Variants in PRKN observed in about 807,000 individuals in gnomAD.
PRKN encodes E3 ubiquitin-protein ligase parkin.
PRKN carries 56 observed loss-of-function variants against 59.5 expected under a neutral mutation model. The ratio of observed to expected loss-of-function variants is 0.94; its 90% confidence interval spans 0.76 to 1.18. The LOEUF (loss-of-function observed/expected upper bound fraction) is 1.18, where lower values mean the gene tolerates loss of function less well. Ranked by LOEUF, PRKN falls within the 50% of genes most tolerant of loss-of-function variation. The pLI is 0.00. For missense variants in PRKN, 657 were observed against 596.4 expected (o/e 1.10, Z -1.06); for synonymous variants, 250 against 222.1 (o/e 1.13, Z -1.12).
intron 5 of PRKN, among the ~76,000 whole-genome samples, chr6:162,014,448 G>T (rs1782856774): frequency 6.6e-6 from 1 of 152,162 alleles, no homozygotes; most frequent in Non-Finnish European, 1.5e-5. Flanking sequence ...AAACCTTGAA[G>T]ACATGCTTCC....
At chr6:162,627,119 A>G (rs73010368) in intron 1 of PRKN, among the ~76,000 whole-genome samples, 245 of 152,300 alleles carry the variant, frequency 1.6e-3, no homozygotes, top group Middle Eastern at 3.4e-3. Context: ...CTCAAACTGA[A>G]CTTCAAGGAG....
At chr6:162,006,116 A>G (rs1412742149) in intron 5 of PRKN, among the ~76,000 whole-genome samples, 2 of 152,118 alleles carry the variant, frequency 1.3e-5, no homozygotes, top group Non-Finnish European at 2.9e-5. Context: ...GAAGTTATAT[A>G]TGTGTGTGAT....
intron 9 of PRKN, among the ~76,000 whole-genome samples, chr6:161,449,403 G>A (rs62436576): frequency 0.17 from 26,579 of 151,988 alleles, 2,531 homozygotes; most frequent in Non-Finnish European, 0.21. Flanking sequence ...TCATCTATCC[G>A]TATGTACTCT....
At chr6:161,539,519 A>G (rs1278947777) in intron 9 of PRKN, among the ~76,000 whole-genome samples, 1 of 150,760 alleles carries the variant, frequency 6.6e-6, no homozygotes, top group African/African-American at 2.4e-5. Context: ...TTTAACCTCA[A>G]AGAAACACTT....
In PRKN at chr6:161,473,365, CAT is replaced by C. The variant is rs201704779; in HGVS notation, c.1083+75487_1083+75488del. ...ATATATCCATAAATTTATTTATATA[CAT>C]ATATATATATAAAATGGAATATTAT... On this transcript the variant is annotated intron_variant, in intron 9 of 11. Transcript: ENST00000366898. The surrounding 1 kb of genome is among the most constrained non-coding windows in gnomAD (Gnocchi z 4.1). Among the ~76,000 whole-genome samples, 682 of 149,250 alleles carry C rather than the reference CAT, an allele frequency of 4.6e-3. 3 individuals carry two copies. The highest frequency in any genetic ancestry group is 0.015 in the African/African-American group (633 of 40,920).
intron 5 of PRKN, among the ~76,000 whole-genome samples, chr6:162,036,242 T>G (rs1337446221): frequency 1.3e-5 from 2 of 151,416 alleles, no homozygotes; most frequent in Non-Finnish European, 2.9e-5. Context: ...GAGAATGGCG[T>G]GAACCCGGGA....
At chr6:162,574,637 T>C (rs1026139946) in intron 1 of PRKN, among the ~76,000 whole-genome samples, 42 of 151,822 alleles carry the variant, frequency 2.8e-4, no homozygotes, top group African/African-American at 1.0e-3. Context: ...GGCCGTTTCA[T>C]AGGAAATGCA....
At chr6:162,331,244 G>T (rs1326337848) in intron 2 of PRKN, among the ~76,000 whole-genome samples, 2 of 151,408 alleles carry the variant, frequency 1.3e-5, no homozygotes, top group African/African-American at 2.4e-5. Flanking sequence ...TAATTCAATC[G>T]CTCCCAACCA....
chr6:162,485,192 G>A (rs1792486839), intron 1 of PRKN, among the ~76,000 whole-genome samples: 1 of 152,058 alleles, frequency 6.6e-6, no homozygotes, highest in Non-Finnish European at 1.5e-5. Flanking sequence ...TTATTCCTTA[G>A]AAAAATTGGA....
chr6:162,273,111 A>G (rs1026453539), intron 2 of PRKN, among the ~76,000 whole-genome samples: 1 of 152,122 alleles, frequency 6.6e-6, no homozygotes, highest in Non-Finnish European at 1.5e-5. Context: ...AGAAAATAGA[A>G]TATAGTAAGG....
chr6:162,562,943 G>A (rs911088277), intron 1 of PRKN, among the ~76,000 whole-genome samples: 11 of 152,200 alleles, frequency 7.2e-5, no homozygotes, highest in African/African-American at 2.4e-4. Context: ...CCACAGGGGT[G>A]CTTGTGTCAC....
intron 5 of PRKN, among the ~76,000 whole-genome samples, chr6:162,031,677 C>T (rs540786887): frequency 4.6e-5 from 7 of 151,972 alleles, no homozygotes; most frequent in East Asian, 3.9e-4. Context: ...ATTCCAGGCA[C>T]GTGCCACCAT....
chr6:162,403,802 G>A (rs1787923021), intron 2 of PRKN, among the ~76,000 whole-genome samples: 1 of 152,154 alleles, frequency 6.6e-6, no homozygotes, highest in Non-Finnish European at 1.5e-5. Flanking sequence ...GGGAAATCAT[G>A]GAGTTTTGTG....
At chr6:161,622,267 T>A (rs1268514926) in intron 7 of PRKN, among the ~76,000 whole-genome samples, 2 of 152,206 alleles carry the variant, frequency 1.3e-5, no homozygotes, top group African/African-American at 4.8e-5. Flanking sequence ...TGCTTAGGGC[T>A]GTGTAGCCTC....
At chr6:161,654,332 T>C (rs1352678198) in intron 7 of PRKN, among the ~76,000 whole-genome samples, 1 of 152,164 alleles carries the variant, frequency 6.6e-6, no homozygotes, top group African/African-American at 2.4e-5. Flanking sequence ...GTGAAAGATA[T>C]CAAATCATGT....
chr6:162,540,738 C>T (rs1778895583), intron 1 of PRKN, among the ~76,000 whole-genome samples: 2 of 148,124 alleles, frequency 1.4e-5, no homozygotes, highest in Admixed American at 1.4e-4. Flanking sequence ...ACCCAGGAGG[C>T]AGAGGTTGCA....
chr6:161,974,538 C>T (rs1431678467), intron 5 of PRKN, among the ~76,000 whole-genome samples: 1 of 152,120 alleles, frequency 6.6e-6, no homozygotes, highest in Non-Finnish European at 1.5e-5. Context: ...GTTCTAACTT[C>T]TGTATTTGTT....
chr6:162,489,412 ACT>A (rs556140464), intron 1 of PRKN, among the ~76,000 whole-genome samples: 53 of 152,270 alleles, frequency 3.5e-4, no homozygotes, highest in Non-Finnish European at 6.2e-4. Context: ...GAATATTAAA[ACT>A]CTGTATTTTT....
At chr6:161,879,662 T>A (rs2128229179) in intron 6 of PRKN, among the ~76,000 whole-genome samples, 1 of 152,274 alleles carries the variant, frequency 6.6e-6, no homozygotes, top group East Asian at 1.9e-4. Flanking sequence ...GATATTTCTA[T>A]GAAATTGAAG....
Sources: gnomAD v4.1 joint callset for allele counts (sites outside exome capture counted in the v4.1 genomes callset) on GRCh38, gnomAD v4.1.1 for gene constraint, Gnocchi (gnomAD v3.1) non-coding constraint, MANE v1.5 for transcripts, NCBI Gene and HGNC (gene_info 2026-07-23, HGNC 2026-07-21) for gene names.